Variants in LZTFL1 observed in about 807,000 individuals in gnomAD.
LZTFL1 encodes the protein leucine zipper transcription factor like 1, also known as leucine zipper transcription factor-like protein 1.
LZTFL1 carries 25 observed loss-of-function variants against 45.9 expected under a neutral mutation model. The observed-to-expected ratio is 0.54, with a 90% CI of 0.40 to 0.76. The LOEUF is 0.76. LZTFL1 is among the 30% of genes least tolerant of loss of function. The probability of loss-of-function intolerance (pLI) is 0.00; values close to 1 mark genes in which losing one functional copy is unlikely to be tolerated. For synonymous variants in LZTFL1, 93 were observed against 117.4 expected (o/e 0.79, Z 1.35); for missense variants, 277 against 331.1 (o/e 0.84, Z 1.27).
At chr3:45,857,570 G>A (rs931407326) in intron 3 of LZTFL1, among the ~76,000 whole-genome samples, 5 of 152,118 alleles carry the variant, frequency 3.3e-5, no homozygotes, top group African/African-American at 1.2e-4. Context: ...CTGACTTTTC[G>A]GACTGTTATA....
chr3:45,913,224 AC>A (rs1305717806), intron 1 of LZTFL1: 11 of 1,311,460 alleles, frequency 8.4e-6, no homozygotes, highest in Non-Finnish European at 1.2e-5. Context: ...TACTATTGTT[AC>A]TATTAACAAA....
intron 1 of LZTFL1, among the ~76,000 whole-genome samples, chr3:45,840,692 A>C (rs950503601): frequency 2.6e-5 from 4 of 152,242 alleles, no homozygotes; most frequent in Non-Finnish European, 5.9e-5. Context: ...TAGTGTCTTG[A>C]AATTGTACCA....
chr3:45,881,996 T>C (rs545743756), intron 2 of LZTFL1, among the ~76,000 whole-genome samples: 1 of 152,376 alleles, frequency 6.6e-6, no homozygotes, highest in South Asian at 2.1e-4. Flanking sequence ...TTTAAAAAGA[T>C]CACACTAACC....
At chr3:45,833,991 G>A (rs1401946919) in intron 4 of LZTFL1, among the ~76,000 whole-genome samples, 1 of 152,134 alleles carries the variant, frequency 6.6e-6, no homozygotes, top group African/African-American at 2.4e-5. Context: ...TTTATGAGTG[G>A]GATTGAGACT....
chr3:45,845,397 G>T (rs925729969), upstream of LZTFL1, among the ~76,000 whole-genome samples: 4 of 152,158 alleles, frequency 2.6e-5, no homozygotes, highest in African/African-American at 9.7e-5. Context: ...GGCTGGAGAG[G>T]AGAGATTCAG....
intron 7 of LZTFL1, 108 bp downstream of exon 7, chr3:45,830,805 G>T: frequency 1.1e-6 from 1 of 901,534 alleles, no homozygotes. Context: ...ATTTGTCTCA[G>T]GGAGTAGCAG....
chr3:45,850,142 G>A (rs1233207606), intron 4 of LZTFL1, among the ~76,000 whole-genome samples: 3 of 152,162 alleles, frequency 2.0e-5, no homozygotes, highest in Admixed American at 6.5e-5. Context: ...CTTCTACAAT[G>A]TGAGTAATTA....
rs541026030 is a variant in LZTFL1, at chr3:45,893,892, A to G, written c.-215+19228T>C. Among the ~76,000 whole-genome samples the G allele has an allele frequency of 1.1e-4, 16 of 152,342 alleles. 1 individual carries two copies. In the South Asian group the frequency reaches 3.3e-3, roughly 32 times the overall value. ...GTTTTCCAAAGTGGTTTTACCACAC[A>G]TTATGCATTGGAAACCACTGTACTT... On this transcript the variant is annotated intron_variant, in intron 2 of 4. Coordinates refer to the LZTFL1 transcript ENST00000472635.
chr3:45,881,704 C>A (rs1469095575), intron 2 of LZTFL1, among the ~76,000 whole-genome samples: 1 of 152,112 alleles, frequency 6.6e-6, no homozygotes, highest in Non-Finnish European at 1.5e-5. Flanking sequence ...TACAGGTATT[C>A]TAGAAAACCA....
At chr3:45,880,572 T>A (rs1012552228) in intron 2 of LZTFL1, among the ~76,000 whole-genome samples, 1 of 152,138 alleles carries the variant, frequency 6.6e-6, no homozygotes, top group Non-Finnish European at 1.5e-5. Flanking sequence ...ACACCTGGCA[T>A]CAGGTGAAAA....
intron 2 of LZTFL1, among the ~76,000 whole-genome samples, chr3:45,911,988 C>A (rs967162062): frequency 3.9e-5 from 6 of 152,278 alleles, no homozygotes; most frequent in African/African-American, 1.2e-4. Context: ...CTTATTCCTG[C>A]CACCAACTCC....
chr3:45,886,785 T>C (rs1192870862), intron 2 of LZTFL1: 1 of 152,218 alleles, frequency 6.6e-6, no homozygotes, highest in Non-Finnish European at 1.5e-5. Flanking sequence ...ACCAGGCACT[T>C]TTCTAGAAAC....
At chr3:45,867,303 T>C (rs529908371) in intron 2 of LZTFL1, among the ~76,000 whole-genome samples, 1 of 152,258 alleles carries the variant, frequency 6.6e-6, no homozygotes, top group South Asian at 2.1e-4. Flanking sequence ...AATTTTAAAA[T>C]ATGGTGTAAA....
At chr3:45,894,857 C>A in intron 2 of LZTFL1, 1 of 1,341,406 alleles carries the variant, frequency 7.5e-7, no homozygotes, top group Non-Finnish European at 1.1e-6. Flanking sequence ...TTGGTTGTTA[C>A]TATTCGTTTA....
chr3:45,904,129 C>A (rs1029840861), intron 2 of LZTFL1, among the ~76,000 whole-genome samples: 3 of 152,158 alleles, frequency 2.0e-5, no homozygotes, highest in Admixed American at 2.0e-4. Context: ...TGGACCTGTT[C>A]TGGTACATGT....
rs1361013160 is a variant in LZTFL1 at position 45,834,251 on chromosome 3, G to T, written c.371C>A (p.Ser124Tyr). The part of the protein sequence containing the change: ...VAEFEKAEIT[S>Y]SNKKPILDVT... ...CCAAAAAGTTACCTTTTTGTTTGAA[G>T]ATGTAATCTCTGCTTTTTCAAATTC... The change falls in exon 4 of 10, where the codon TCT (serine) becomes TAT (tyrosine). Residue 124 changes from serine (S) to tyrosine (Y), a missense_variant. Transcript: ENST00000296135. 12 of 1,592,392 alleles carry T rather than the reference G, an allele frequency of 7.5e-6. No individual in the cohort carries two copies. The highest frequency in any genetic ancestry group is 1.3e-5 in the African/African-American group (1 of 74,396).
intron 3 of LZTFL1, among the ~76,000 whole-genome samples, chr3:45,858,405 G>C (rs1575273191): frequency 6.6e-6 from 1 of 152,180 alleles, no homozygotes; most frequent in Non-Finnish European, 1.5e-5. Flanking sequence ...CAGGAATGCT[G>C]GGGTAAGTAT....
At position 45,900,983 on chromosome 3, in the gene LZTFL1, C is replaced by T. The variant is rs376980494; in HGVS notation, c.-215+12137G>A. ...TCGTGTTCATCGTGGGTGCCTTGGG[C>T]AACAGTCTTGTTATCCTTGTCTACT... is the stretch of plus-strand genomic sequence containing the variant. On this transcript the variant is annotated intron_variant, in intron 2 of 4. Coordinates refer to the LZTFL1 transcript ENST00000472635. The surrounding 1 kb of genome is among the most constrained non-coding windows in gnomAD (Gnocchi z 4.7). 1 of 1,614,062 alleles carries T rather than the reference C, an allele frequency of 6.2e-7. No homozygotes were observed. The highest frequency in any genetic ancestry group is 8.5e-7 in the Non-Finnish European group (1 of 1,180,020).
intron 3 of LZTFL1, among the ~76,000 whole-genome samples, chr3:45,858,257 C>T (rs147933972): frequency 2.0e-5 from 3 of 152,298 alleles, no homozygotes; most frequent in East Asian, 1.9e-4. Context: ...TCTCATGCTT[C>T]ACAAGGTTAT....
Sources: allele counts gnomAD v4.1 joint callset (sites outside exome capture counted in the v4.1 genomes callset), GRCh38; gene constraint gnomAD v4.1.1; non-coding constraint Gnocchi (gnomAD v3.1); transcripts MANE v1.5; gene names NCBI Gene and HGNC (gene_info 2026-07-23, HGNC 2026-07-21).